GALNT1: variants seen among roughly 807,000 people sequenced by gnomAD.
The protein encoded by GALNT1 is polypeptide N-acetylgalactosaminyltransferase 1, also known as GalNAc transferase 1.
Under a neutral mutation model 65.7 loss-of-function variants are expected in GALNT1, and 17 were observed. The observed-to-expected ratio is 0.26, with a 90% CI of 0.18 to 0.39. The LOEUF is 0.39. GALNT1 is among the 10% of genes least tolerant of loss of function. GALNT1 has a pLI of 1.00. For missense variants in GALNT1, 460 were observed against 672.8 expected (o/e 0.68, Z 3.50); for synonymous variants, 210 against 219.7 (o/e 0.96, Z 0.39).
At chr18:35,680,573 C>T (rs901498375) in intron 4 of GALNT1, among the ~76,000 whole-genome samples, 5 of 152,194 alleles carry the variant, frequency 3.3e-5, no homozygotes, top group African/African-American at 9.7e-5. Flanking sequence ...ATTTAATCTT[C>T]ACATTTACTT....
At chr18:35,581,539 G>GA (rs1555644061), upstream of GALNT1, among the ~76,000 whole-genome samples, 2 of 142,268 alleles carry the variant, frequency 1.4e-5, no homozygotes, top group African/African-American at 5.1e-5. Context: ...GCCTGCGGGC[G>GA]CCCTGCGGCG....
At chr18:35,624,204 G>A (rs962573282) in intron 1 of GALNT1, among the ~76,000 whole-genome samples, 32 of 152,148 alleles carry the variant, frequency 2.1e-4, no homozygotes, top group Non-Finnish European at 1.9e-4. Context: ...AGTTTACATA[G>A]ATATTTTAGG....
At chr18:35,685,590 A>T (rs751687359) in intron 5 of GALNT1, among the ~76,000 whole-genome samples, 4 of 152,164 alleles carry the variant, frequency 2.6e-5, no homozygotes, top group African/African-American at 4.8e-5. Flanking sequence ...CTCAATCACC[A>T]GTTAGTATTA....
intron 1 of GALNT1, among the ~76,000 whole-genome samples, chr18:35,646,149 T>C (rs2144331410): frequency 6.6e-6 from 1 of 152,242 alleles, no homozygotes; most frequent in East Asian, 1.9e-4. Flanking sequence ...AAGCATGTCT[T>C]ACCATGGAGG....
Position 35,689,274 on chromosome 18 carries a change from T to TAGAAATTTCCTTTAGGGTA in GALNT1, c.965_978+5dup. On this transcript the variant is annotated frameshift_variant, in exon 7 of 12. Transcript: ENST00000269195. LOFTEE classifies it high-confidence loss of function. ...ATGGATATTTGGGGAGGAGAAAACC[T>TAGAAATTTCCTTTAGGGTA]AGAAATTTCCTTTAGGGTAAGTTCC... The TAGAAATTTCCTTTAGGGTA allele has an allele frequency of 6.2e-7, 1 of 1,600,918 alleles. No homozygotes were observed. Among genetic ancestry groups the TAGAAATTTCCTTTAGGGTA allele is most frequent in the Non-Finnish European group, 8.5e-7 (1 of 1,172,738 alleles).
At chr18:35,654,253 A>G (rs753243956) in intron 1 of GALNT1, among the ~76,000 whole-genome samples, 6 of 152,144 alleles carry the variant, frequency 3.9e-5, no homozygotes, top group Non-Finnish European at 7.4e-5. Flanking sequence ...GCACTTTTCT[A>G]CATGTTTATT....
rs1327536727 is a variant in GALNT1 at position 35,668,753 on chromosome 18, A to G, written c.314+4951A>G. ...GCATTGTACCCTTAAAAACCTATTA[A>G]AAAGGTAGATCTCATGGTAAGTGTT... On this transcript the variant is annotated intron_variant, in intron 3 of 11. Transcript: ENST00000269195. Among the ~76,000 whole-genome samples the G allele has an allele frequency of 2.6e-5, 4 of 152,170 alleles. No homozygotes were observed. In the East Asian group the frequency reaches 7.7e-4, roughly 29 times the overall value.
intron 7 of GALNT1, 114 bp downstream of exon 7, chr18:35,689,404 G>A: frequency 4.5e-6 from 3 of 666,936 alleles, no homozygotes; most frequent in Admixed American, 3.1e-5. Context: ...CAAGTTTAAT[G>A]TAACTTCAGA....
intron 11 of GALNT1, among the ~76,000 whole-genome samples, chr18:35,706,326 G>A (rs983697002): frequency 7.2e-5 from 11 of 151,938 alleles, no homozygotes; most frequent in Admixed American, 5.2e-4. Context: ...GTGAAACCTC[G>A]TCTCTACTAA....
At chr18:35,702,843 C>G in intron 9 of GALNT1, 54 bp from the exon 10 acceptor site, 1 of 1,202,502 alleles carries the variant, frequency 8.3e-7, no homozygotes, top group South Asian at 1.4e-5. Flanking sequence ...GTGTATCTGT[C>G]TGTCTAATTA....
intron 9 of GALNT1, among the ~76,000 whole-genome samples, chr18:35,697,788 G>C (rs984370140): frequency 1.3e-5 from 2 of 152,220 alleles, no homozygotes; most frequent in Non-Finnish European, 2.9e-5. Context: ...GTTTCTAACA[G>C]CTCCTCACCC....
intron 1 of GALNT1, among the ~76,000 whole-genome samples, chr18:35,603,166 A>G (rs1360924116): frequency 6.6e-6 from 1 of 152,104 alleles, no homozygotes; most frequent in African/African-American, 2.4e-5. Context: ...TCTCCTTACA[A>G]GCTTCTTGTG....
intron 1 of GALNT1, among the ~76,000 whole-genome samples, chr18:35,620,109 A>G (rs959514418): frequency 6.6e-6 from 1 of 152,138 alleles, no homozygotes; most frequent in Non-Finnish European, 1.5e-5. Flanking sequence ...TATGGCAGCT[A>G]TGTGGTCAGC....
intron 1 of GALNT1, among the ~76,000 whole-genome samples, chr18:35,643,808 AG>A (rs1160618339): frequency 6.6e-6 from 1 of 151,272 alleles, no homozygotes. Flanking sequence ...AAAAAAAAAA[AG>A]AAAAAAAAAC....
chr18:35,660,226 A>T (rs901234596), intron 2 of GALNT1, among the ~76,000 whole-genome samples: 2 of 97,772 alleles, frequency 2.0e-5, no homozygotes, highest in Non-Finnish European at 4.4e-5. Context: ...AAAAGAAGTC[A>T]TATAACTTTA....
intron 1 of GALNT1, among the ~76,000 whole-genome samples, chr18:35,645,248 G>GTTTTTT (rs1568022842): frequency 9.2e-6 from 1 of 108,470 alleles, no homozygotes. Context: ...TTTTTTTCTG[G>GTTTTTT]GAGATGGAGT....
intron 4 of GALNT1, among the ~76,000 whole-genome samples, chr18:35,682,116 C>G (rs1026012441): frequency 6.6e-6 from 1 of 152,096 alleles, no homozygotes; most frequent in Non-Finnish European, 1.5e-5. Context: ...CCTTCTGACC[C>G]TAAGACTTGG....
chr18:35,675,678 A>G (rs1045080296), intron 3 of GALNT1, among the ~76,000 whole-genome samples: 10 of 152,104 alleles, frequency 6.6e-5, no homozygotes, highest in African/African-American at 2.4e-4. Flanking sequence ...TTCATGCATC[A>G]CTTGATTTTA....
intron 1 of GALNT1, among the ~76,000 whole-genome samples, chr18:35,624,457 T>C (rs916640976): frequency 3.3e-5 from 5 of 152,228 alleles, no homozygotes; most frequent in African/African-American, 1.2e-4. Flanking sequence ...CTTATGTTTT[T>C]GGTGTATGTC....
Sources: gnomAD v4.1 joint callset for allele counts (sites outside exome capture counted in the v4.1 genomes callset) on GRCh38, gnomAD v4.1.1 for gene constraint, MANE v1.5 for transcripts, NCBI Gene and HGNC (gene_info 2026-07-23, HGNC 2026-07-21) for gene names.